Variants in PLAT observed in about 807,000 individuals in gnomAD.
PLAT encodes plasminogen activator, tissue type, also known as tissue-type plasminogen activator.
Under a neutral mutation model 74.9 loss-of-function variants are expected in PLAT, and 48 were observed. That is an observed-to-expected ratio of 0.64 (90% CI 0.51 to 0.82). The LOEUF (loss-of-function observed/expected upper bound fraction) is 0.82. Ranked by LOEUF, PLAT falls within the 40% of genes least tolerant of loss-of-function variation. The pLI, the probability that PLAT is intolerant of heterozygous loss-of-function variation, is 0.00. For missense variants in PLAT, 673 were observed against 736.2 expected, an observed-to-expected ratio of 0.91 and a Z score of 0.99; for synonymous variants, 307 against 294.4, an observed-to-expected ratio of 1.04 and a Z score of -0.44.
rs374097557 is a variant in PLAT at position 42,176,119 on chromosome 8, G to A, written c.1563C>T (p.Asn521=). 19 of 1,613,736 alleles carry A rather than the reference G, an allele frequency of 1.2e-5. No homozygotes were observed. The highest frequency in any genetic ancestry group is 3.3e-4 in the Middle Eastern group (2 of 6,080). ...TGCCCACCAAAGTCATGCGGCCATC[G>A]TTCAGACACACCAGGGGGCCTCCCG... The part of the protein sequence containing the change: ...GDSGGPLVCL[N]DGRMTLVGII... Residue 521 remains asparagine (N), a synonymous_variant, in exon 14 of 14, where the codon AAC becomes AAT. Transcript: ENST00000220809.
At chr8:42,194,309 C>T (rs930745120) in intron 1 of PLAT, among the ~76,000 whole-genome samples, 9 of 148,564 alleles carry the variant, frequency 6.1e-5, no homozygotes, top group Non-Finnish European at 1.2e-4. Flanking sequence ...CTATGTTGTC[C>T]AGGCTAGTCT....
intron 6 of PLAT, chr8:42,185,394 G>T: frequency 2.7e-6 from 1 of 373,266 alleles, no homozygotes. Flanking sequence ...TTCCCGAGTA[G>T]CTGGGATTAC....
At position 42,189,050 on chromosome 8, in the gene PLAT, G is replaced by A. The variant is rs375926300; in HGVS notation, c.137C>T (p.Thr46Met). ...CTGATGTTGCTGGTATATCATCTGC[G>A]TTTTTTCATCTCTGCAGATCACTAT... ...SYQVICRDEKTQMIYQQHQSW... is the reference protein window; with the variant it reads ...SYQVICRDEKMQMIYQQHQSW... The change falls in exon 4 of 14, where the codon ACG becomes ATG. Residue 46 changes from threonine to methionine, a missense_variant. Physicochemically the swap from Thr to Met is moderately conservative, Grantham distance 81. Coordinates refer to ENST00000220809, the MANE Select transcript of PLAT (RefSeq NM_000930.5). 2.5e-5 allele frequency: 40 copies of A among 1,613,684 alleles called. No homozygotes were observed. The highest frequency in any genetic ancestry group is 1.2e-4 in the African/African-American group (9 of 74,890).
At position 42,175,980 on chromosome 8, in the gene PLAT, C is replaced by T. The variant is rs371067304; in HGVS notation, c.*13G>A. 18 of 1,613,022 alleles carry T rather than the reference C, an allele frequency of 1.1e-5. No individual in the cohort carries two copies. The highest frequency in any genetic ancestry group is 2.7e-5 in the African/African-American group (2 of 75,008). ...GGGATCTCATTTGCTTTTGAGGAGT[C>T]GGGTGTTCCTGGTCACGGTCGCATG... On this transcript the variant is annotated 3_prime_UTR_variant, in exon 14 of 14. Coordinates refer to ENST00000220809, the MANE Select transcript of PLAT (RefSeq NM_000930.5).
chr8:42,191,815 G>A (rs8178731), intron 2 of PLAT, among the ~76,000 whole-genome samples: 60 of 152,062 alleles, frequency 3.9e-4, no homozygotes, highest in African/African-American at 1.3e-3. Flanking sequence ...TCTACTCCAC[G>A]CAGTCACCTG....
In PLAT at chr8:42,203,969, T is replaced by TTATATATATATATATATATA. The variant is rs373313453; in HGVS notation, c.-27+3505_-27+3524dup. ...GATGGAGTCAGACCTTGTCTCTAAA[T>TTATATATATATATATATATA]TATATATATATATATATATATATAC... On this transcript the variant is annotated intron_variant, in intron 1 of 13. Coordinates refer to ENST00000220809, the MANE Select transcript of PLAT (RefSeq NM_000930.5). Among the ~76,000 whole-genome samples the TTATATATATATATATATATA allele has an allele frequency of 7.8e-4, 82 of 105,032 alleles. 1 individual carries two copies. The highest frequency in any genetic ancestry group is 3.5e-3 in the African/African-American group (64 of 18,336). 68.9% of individuals were successfully genotyped at this position (105,032 alleles called of 152,430 possible).
At chr8:42,201,798 G>A (rs893744213) in intron 1 of PLAT, among the ~76,000 whole-genome samples, 1 of 152,166 alleles carries the variant, frequency 6.6e-6, no homozygotes, top group Non-Finnish European at 1.5e-5. Flanking sequence ...CTATTGATAA[G>A]GCCCATCTGA....
chr8:42,179,149 C>G (rs1470764993), intron 12 of PLAT, 86 bp from the exon 13 acceptor site: 20 of 877,090 alleles, frequency 2.3e-5, no homozygotes, highest in Non-Finnish European at 3.3e-5. Context: ...CCAATAATAG[C>G]TAACATTGAT....
chr8:42,176,294 T>C, intron 13 of PLAT, 143 bp from the exon 14 acceptor site: 1 of 650,470 alleles, frequency 1.5e-6, no homozygotes, highest in Non-Finnish European at 2.6e-6. Context: ...TCATTATAAC[T>C]TTGATGAGGA....
At chr8:42,194,241 A>AGT (rs36208802) in intron 1 of PLAT, among the ~76,000 whole-genome samples, 1,836 of 52,532 alleles carry the variant, frequency 0.035, 32 homozygotes, top group East Asian at 0.1. Context: ...AGAGAGAGAG[A>AGT]GTGTGTGTGT....
At position 42,181,975 on chromosome 8, in the gene PLAT, CGGT is replaced by C. The variant is rs750965262; in HGVS notation, c.848_850del (p.Asn283_Arg284delinsSer). 2 of 1,612,460 alleles carry C rather than the reference CGGT, an allele frequency of 1.2e-6. No homozygotes were observed. The highest frequency in any genetic ancestry group is 4.5e-5 in the East Asian group (2 of 44,882). On this transcript the variant is annotated inframe_deletion, in exon 9 of 14. Coordinates refer to ENST00000220809, the MANE Select transcript of PLAT (RefSeq NM_000930.5). ...ATCACAGTACTCCCACGTCAGCCTG[CGGT>C]TCTTCAGCACGTGGCACCAGGGCTT...
intron 11 of PLAT, 32 bp from the exon 12 acceptor site, chr8:42,180,098 T>G (rs1268901130): frequency 1.3e-6 from 2 of 1,594,114 alleles, no homozygotes; most frequent in African/African-American, 1.3e-5. Context: ...TGAGCTGGCG[T>G]GAGGGCCGCG....
At chr8:42,178,249 G>A (rs2129688933) in intron 13 of PLAT, among the ~76,000 whole-genome samples, 1 of 151,250 alleles carries the variant, frequency 6.6e-6, no homozygotes, top group African/African-American at 2.4e-5. Flanking sequence ...TGCCAACAGA[G>A]GCAAACATTT....
intron 1 of PLAT, among the ~76,000 whole-genome samples, chr8:42,196,391 G>A (rs946794318): frequency 5.3e-5 from 8 of 152,196 alleles, no homozygotes; most frequent in African/African-American, 1.7e-4. Flanking sequence ...CCAGCAGGGC[G>A]ATAGCTCTGT....
rs760401197 is a variant in PLAT at position 42,175,991 on chromosome 8, G to C, written c.*2C>G. 4.6e-5 allele frequency: 75 copies of C among 1,613,800 alleles called. No individual in the cohort carries two copies. Among genetic ancestry groups the C allele is most frequent in the Admixed American group, 8.3e-5 (5 of 59,966 alleles). On this transcript the variant is annotated 3_prime_UTR_variant, in exon 14 of 14. Coordinates refer to ENST00000220809, the MANE Select transcript of PLAT (RefSeq NM_000930.5). ...TGCTTTTGAGGAGTCGGGTGTTCCT[G>C]GTCACGGTCGCATGTTGTCACGAAT...
rs772679116 is a variant in PLAT, at chr8:42,182,700, C to T, written c.803+19G>A. ...CACGTTCTGCCAAGACCTGAACCCCCCACCCCTGTGCTACCTACCGGCAGT... is the reference window on the plus strand; with the variant it reads ...CACGTTCTGCCAAGACCTGAACCCCTCACCCCTGTGCTACCTACCGGCAGT... On this transcript the variant is annotated intron_variant, in intron 8 of 13. Coordinates refer to ENST00000220809, the MANE Select transcript of PLAT (RefSeq NM_000930.5). 2 of 1,584,434 alleles carry T rather than the reference C, an allele frequency of 1.3e-6. No individual in the cohort carries two copies. Among genetic ancestry groups the T allele is most frequent in the South Asian group, 1.1e-5 (1 of 87,902 alleles).
chr8:42,196,555 C>T (rs1300691564), intron 1 of PLAT, among the ~76,000 whole-genome samples: 1 of 152,128 alleles, frequency 6.6e-6, no homozygotes, highest in African/African-American at 2.4e-5. Flanking sequence ...GTTTCGCCTT[C>T]GCTGAAGAGG....
chr8:42,181,792 G>C (rs1002456517), intron 9 of PLAT, 145 bp downstream of exon 9: 1 of 298,248 alleles, frequency 3.4e-6, no homozygotes, highest in Non-Finnish European at 6.5e-6. Flanking sequence ...CGTGGCTTCA[G>C]TCATGGAAGC....
In PLAT at chr8:42,187,930, A is replaced by G; in HGVS notation, c.340T>C (p.Phe114Leu). 1 of 1,612,332 alleles carries G rather than the reference A, an allele frequency of 6.2e-7. No individual in the cohort carries two copies. Among genetic ancestry groups the G allele is most frequent in the South Asian group, 1.1e-5 (1 of 91,028 alleles). Reference protein sequence around the residue: ...SDFVCQCPEGFAGKCCEIDTR... With the variant: ...SDFVCQCPEGLAGKCCEIDTR... ...CCTATTTCACAGCACTTCCCAGCAAATCCTTCGGGGCACTGGCACACGAAA... is the reference window on the plus strand; with the variant it reads ...CCTATTTCACAGCACTTCCCAGCAAGTCCTTCGGGGCACTGGCACACGAAA... The change falls in exon 5 of 14, where the codon TTT (phenylalanine) becomes CTT (leucine). Residue 114 changes from phenylalanine to leucine, a missense_variant. Transcript: ENST00000220809.
Sources: gnomAD v4.1 joint callset for allele counts (sites outside exome capture counted in the v4.1 genomes callset) on GRCh38, gnomAD v4.1.1 for gene constraint, MANE v1.5 for transcripts, NCBI Gene and HGNC (gene_info 2026-07-23, HGNC 2026-07-21) for gene names.